The following CNOT4 variants were observed in gnomAD, a reference collection of about 807,000 sequenced individuals.
CNOT4 encodes the protein CCR4-NOT transcription complex subunit 4.
CNOT4 carries 8 observed loss-of-function variants against 73.8 expected under a neutral mutation model. The ratio of observed to expected loss-of-function variants is 0.11; its 90% CI spans 0.06 to 0.20. The LOEUF (loss-of-function observed/expected upper bound fraction) is 0.20. CNOT4 is among the 10% of genes least tolerant of loss of function. CNOT4 has a pLI of 1.00. For missense variants in CNOT4, 564 were observed against 883.4 expected, an observed-to-expected ratio of 0.64 and a Z score of 4.58; for synonymous variants, 293 against 321.1, an observed-to-expected ratio of 0.91 and a Z score of 0.94.
At chr7:135,468,001 G>A (rs911756558) in intron 1 of CNOT4, among the ~76,000 whole-genome samples, 4 of 151,670 alleles carry the variant, frequency 2.6e-5, no homozygotes, top group African/African-American at 9.7e-5. Context: ...GGCTCACGAG[G>A]TCAGAAGATT....
chr7:135,479,425 G>A (rs1397704345), intron 1 of CNOT4, among the ~76,000 whole-genome samples: 2 of 151,270 alleles, frequency 1.3e-5, no homozygotes, highest in South Asian at 2.1e-4. Flanking sequence ...TGGCTAGGAT[G>A]GTCTCGATCT....
chr7:135,443,599 A>G (rs928283736), intron 1 of CNOT4, among the ~76,000 whole-genome samples: 2 of 152,196 alleles, frequency 1.3e-5, no homozygotes, highest in Non-Finnish European at 1.5e-5. Context: ...AAACGACATT[A>G]CTTTTTAAAA....
In CNOT4 at chr7:135,383,341, C is replaced by T. The variant is rs1455894314; in HGVS notation, c.1627+10577G>A. 4.6e-5 allele frequency among the ~76,000 whole-genome samples: 7 copies of T among 150,790 alleles called. No individual in the cohort carries two copies. The Admixed American group carries it at 4.6e-4, about 10-fold the overall frequency. On this transcript the variant is annotated intron_variant, in intron 10 of 11. Transcript: ENST00000541284. ...CTAATCCCTCTGTCTAAATCTTTCA[C>T]ATCATCAGTAACATTTCTACCAATC...
chr7:135,362,698 A>G lies in CNOT4; in HGVS notation c.*187T>C, dbSNP rs746669710. 3 of 740,812 alleles carry G rather than the reference A, an allele frequency of 4.0e-6. No homozygotes were observed. In the East Asian group the frequency reaches 7.4e-5, roughly 18 times the overall value. The allele number at this position is 740,812 out of a possible 1,614,324, so 45.9% of individuals were successfully genotyped here. A position where few individuals can be genotyped will look rare whatever the true frequency, so the allele number is the denominator to read the frequency against. ...AAATGCTGGATCAACAAAAATTTTT[A>G]CAATTAATAAAGAGATGGTAATGAC... On this transcript the variant is annotated 3_prime_UTR_variant, in exon 12 of 12. Coordinates refer to ENST00000541284, the MANE Select transcript of CNOT4 (RefSeq NM_001190850.2).
In CNOT4 at chr7:135,426,742, G is replaced by A. The variant is rs575256358; in HGVS notation, c.175-4389C>T. Reference sequence around the variant, plus strand: ...GTTTGAGACCAGCCTGGCCAACATGGTGAAACCCTGTTTCTACTAAAAATA... The same window carrying A: ...GTTTGAGACCAGCCTGGCCAACATGATGAAACCCTGTTTCTACTAAAAATA... On this transcript the variant is annotated intron_variant, in intron 2 of 11. Transcript: ENST00000541284. Among the ~76,000 whole-genome samples, 3 of 152,046 alleles carry A rather than the reference G, an allele frequency of 2.0e-5. No homozygotes were observed. In the South Asian group the frequency reaches 6.2e-4, roughly 32 times the overall value.
intron 1 of CNOT4, among the ~76,000 whole-genome samples, chr7:135,498,084 C>T (rs561153046): frequency 3.3e-5 from 5 of 152,250 alleles, no homozygotes; most frequent in East Asian, 1.9e-4. Context: ...GTCCCAAAGA[C>T]GGTAAAGTAA....
At chr7:135,502,410 T>C (rs749010064) in intron 1 of CNOT4, among the ~76,000 whole-genome samples, 5 of 152,220 alleles carry the variant, frequency 3.3e-5, no homozygotes, top group Non-Finnish European at 7.3e-5. Context: ...TGTACACTGC[T>C]TTGGACAGTG....
At chr7:135,501,768 A>C (rs958571691) in intron 1 of CNOT4, among the ~76,000 whole-genome samples, 3 of 152,084 alleles carry the variant, frequency 2.0e-5, no homozygotes, top group Non-Finnish European at 4.4e-5. Context: ...AGTAATTAAC[A>C]CTTTATTCCA....
At chr7:135,471,459 C>T (rs1046605092) in intron 1 of CNOT4, among the ~76,000 whole-genome samples, 4 of 152,120 alleles carry the variant, frequency 2.6e-5, no homozygotes, top group African/African-American at 9.7e-5. Context: ...CTAAAAGTAG[C>T]ATCTTCCTAA....
At chr7:135,492,938 AG>A (rs566744451) in intron 1 of CNOT4, among the ~76,000 whole-genome samples, 394 of 152,354 alleles carry the variant, frequency 2.6e-3, no homozygotes, top group Admixed American at 0.01. Flanking sequence ...TAGTGTTAGA[AG>A]AATGACAATG....
intron 1 of CNOT4, among the ~76,000 whole-genome samples, chr7:135,493,562 T>C (rs1803255613): frequency 6.6e-6 from 1 of 151,624 alleles, no homozygotes; most frequent in Non-Finnish European, 1.5e-5. Flanking sequence ...ATTTCAAGAG[T>C]TGAAGAGGAT....
intron 1 of CNOT4, among the ~76,000 whole-genome samples, chr7:135,442,368 G>A (rs368578243): frequency 2.6e-5 from 4 of 152,026 alleles, no homozygotes; most frequent in East Asian, 1.9e-4. Context: ...AGGCCAAGGC[G>A]GGCGGATCAC....
intron 3 of CNOT4, among the ~76,000 whole-genome samples, chr7:135,415,590 C>A (rs1311955558): frequency 6.6e-6 from 1 of 152,028 alleles, no homozygotes; most frequent in Non-Finnish European, 1.5e-5. Context: ...GATCAAAGAT[C>A]TTAACTACAT....
chr7:135,447,692 C>T (rs999567756), intron 1 of CNOT4, among the ~76,000 whole-genome samples: 1 of 152,134 alleles, frequency 6.6e-6, no homozygotes, highest in Non-Finnish European at 1.5e-5. Context: ...GACGTTCAAG[C>T]CTAAAAGCAA....
Position 135,363,210 on chromosome 7 carries a change from G to C in CNOT4, c.1841-24C>G, listed in dbSNP as rs1360441948. 1.2e-6 allele frequency: 2 copies of C among 1,607,472 alleles called. No individual in the cohort carries two copies. Among genetic ancestry groups the C allele is most frequent in the African/African-American group, 2.7e-5 (2 of 74,796 alleles). ...ACCTAAGGAGAGAAAAGAAAAAAGA[G>C]GGAAAATGGTGAGTTTGTGTGGAAA... On this transcript the variant is annotated intron_variant, in intron 11 of 11. Coordinates refer to ENST00000541284, the MANE Select transcript of CNOT4 (RefSeq NM_001190850.2). The surrounding 1 kb of genome is among the most constrained non-coding windows in gnomAD (Gnocchi z 4.3).
intron 7 of CNOT4, among the ~76,000 whole-genome samples, chr7:135,408,069 G>C (rs1320226901): frequency 6.6e-6 from 1 of 150,816 alleles, no homozygotes; most frequent in African/African-American, 2.4e-5. Flanking sequence ...GTATGCAGAA[G>C]GCAAAAAAAA....
chr7:135,390,200 G>T (rs1042153526), intron 10 of CNOT4, among the ~76,000 whole-genome samples: 2 of 152,130 alleles, frequency 1.3e-5, no homozygotes, highest in Non-Finnish European at 2.9e-5. Flanking sequence ...TAAAGCACAT[G>T]CCAGTGATCT....
At chr7:135,382,399 A>G (rs1795897287) in intron 10 of CNOT4, among the ~76,000 whole-genome samples, 1 of 152,234 alleles carries the variant, frequency 6.6e-6, no homozygotes, top group South Asian at 2.1e-4. Flanking sequence ...GTGGCTTCTC[A>G]ATCCATCAAC....
At chr7:135,492,694 G>A (rs1219493253) in intron 1 of CNOT4, among the ~76,000 whole-genome samples, 2 of 152,164 alleles carry the variant, frequency 1.3e-5, no homozygotes, top group African/African-American at 4.8e-5. Flanking sequence ...CTCTTTGGGA[G>A]GCCAAGAAAG....
Sources: allele counts gnomAD v4.1 joint callset (sites outside exome capture counted in the v4.1 genomes callset), GRCh38; gene constraint gnomAD v4.1.1; non-coding constraint Gnocchi (gnomAD v3.1); transcripts MANE v1.5; gene names NCBI Gene and HGNC (gene_info 2026-07-23, HGNC 2026-07-21).